Variants in ZNRF1 observed in about 807,000 individuals in gnomAD.
ZNRF1 encodes zinc and ring finger 1.
ZNRF1 carries 3 observed loss-of-function variants against 18.4 expected under a neutral mutation model. The observed-to-expected ratio is 0.16, with a 90% CI of 0.07 to 0.42. ZNRF1 has a LOEUF of 0.42. Ranked by LOEUF, ZNRF1 falls within the 10% of genes least tolerant of loss-of-function variation. ZNRF1 has a pLI of 0.99. For synonymous variants in ZNRF1, 157 were observed against 144.2 expected (o/e 1.09, Z -0.64); for missense variants, 310 against 329.8 (o/e 0.94, Z 0.47).
At chr16:75,102,866 C>G (rs1445657950) in intron 2 of ZNRF1, among the ~76,000 whole-genome samples, 1 of 152,224 alleles carries the variant, frequency 6.6e-6, no homozygotes, top group Non-Finnish European at 1.5e-5. Flanking sequence ...TCCCGCTGCC[C>G]TCATCCGCAC....
At chr16:75,017,591 A>C (rs1422735655) in intron 1 of ZNRF1, among the ~76,000 whole-genome samples, 4 of 152,166 alleles carry the variant, frequency 2.6e-5, no homozygotes, top group Admixed American at 2.0e-4. Flanking sequence ...TGCTCCTGGG[A>C]ATTGGAGAGC....
At chr16:75,026,977 C>A (rs1218491902) in intron 1 of ZNRF1, among the ~76,000 whole-genome samples, 1 of 151,968 alleles carries the variant, frequency 6.6e-6, no homozygotes, top group Non-Finnish European at 1.5e-5. Context: ...GTGCCCGGCA[C>A]AGTTCTAAAT....
chr16:75,027,629 C>G (rs2035243559), intron 1 of ZNRF1, among the ~76,000 whole-genome samples: 1 of 152,160 alleles, frequency 6.6e-6, no homozygotes, highest in South Asian at 2.1e-4. Flanking sequence ...CATGGTCAGT[C>G]ATTATAATGA....
At chr16:75,046,905 A>G (rs1292414757) in intron 1 of ZNRF1, 1 of 154,104 alleles carries the variant, frequency 6.5e-6, no homozygotes, top group Non-Finnish European at 1.5e-5. Flanking sequence ...GGGACAGTAC[A>G]GAAAAATAAT....
At chr16:75,000,286 C>T (rs939417256) in intron 1 of ZNRF1, 191 bp downstream of exon 1, 7 of 897,892 alleles carry the variant, frequency 7.8e-6, no homozygotes, top group Non-Finnish European at 1.2e-5. Context: ...GCTGCGGAGC[C>T]TGGCGATTTA....
At chr16:75,009,351 A>G (rs2034965015) in intron 1 of ZNRF1, among the ~76,000 whole-genome samples, 1 of 152,160 alleles carries the variant, frequency 6.6e-6, no homozygotes, top group Admixed American at 6.5e-5. Flanking sequence ...GTGGTATTCT[A>G]AGTACTGCAT....
At chr16:75,079,428 C>T (rs952948855) in intron 1 of ZNRF1, among the ~76,000 whole-genome samples, 1 of 152,122 alleles carries the variant, frequency 6.6e-6, no homozygotes. Flanking sequence ...TGCGGGGAGC[C>T]GAGATCATGT....
chr16:75,028,628 G>A (rs2035256771), intron 1 of ZNRF1, among the ~76,000 whole-genome samples: 1 of 152,242 alleles, frequency 6.6e-6, no homozygotes, highest in African/African-American at 2.4e-5. Flanking sequence ...AAGTTCTCAA[G>A]AATTCTCTTT....
intron 1 of ZNRF1, among the ~76,000 whole-genome samples, chr16:75,085,024 C>G (rs780717998): frequency 3.7e-4 from 56 of 152,220 alleles, no homozygotes; most frequent in Middle Eastern, 3.4e-3. Context: ...TATTTGTTTA[C>G]AGGTTTTTTT....
chr16:75,056,889 G>T (rs1449088147), intron 1 of ZNRF1, among the ~76,000 whole-genome samples: 1 of 152,030 alleles, frequency 6.6e-6, no homozygotes, highest in Non-Finnish European at 1.5e-5. Flanking sequence ...CACCCGCCTT[G>T]GCCTCCCAAA....
intron 1 of ZNRF1, among the ~76,000 whole-genome samples, chr16:75,012,163 A>T (rs1357986004): frequency 6.6e-6 from 1 of 152,208 alleles, no homozygotes; most frequent in African/African-American, 2.4e-5. Context: ...TTCCATGCTG[A>T]CACCAAGCCC....
chr16:75,091,086 G>A (rs1466319094), intron 1 of ZNRF1, among the ~76,000 whole-genome samples: 1 of 151,956 alleles, frequency 6.6e-6, no homozygotes, highest in Non-Finnish European at 1.5e-5. Context: ...AAGAAATGTT[G>A]GGTGACTGAT....
chr16:75,017,876 C>T (rs1028998608), intron 1 of ZNRF1, among the ~76,000 whole-genome samples: 1 of 152,138 alleles, frequency 6.6e-6, no homozygotes, highest in Non-Finnish European at 1.5e-5. Context: ...AGGAATGGGA[C>T]ACCCTCTCTT....
intron 1 of ZNRF1, among the ~76,000 whole-genome samples, chr16:75,017,525 G>A (rs1430782860): frequency 6.6e-6 from 1 of 152,170 alleles, no homozygotes; most frequent in Non-Finnish European, 1.5e-5. Flanking sequence ...AGTCTGGAAA[G>A]CAGCTTAAGA....
chr16:75,000,069 C>T lies in ZNRF1; in HGVS notation c.398C>T (p.Ala133Val). The T allele has an allele frequency of 6.2e-7, 1 of 1,602,522 alleles. No individual in the cohort carries two copies. Among genetic ancestry groups the T allele is most frequent in the East Asian group, 2.3e-5 (1 of 44,430 alleles). ...GCGGATGCTCTACCTCTGCACATCG[C>T]ACCCAGGTGGTTCAGCTCGCATAGT... Reference protein sequence around the residue: ...SLADALPLHIAPRWFSSHSGF... With the variant: ...SLADALPLHIVPRWFSSHSGF... Residue 133 changes from alanine to valine, a missense_variant, in exon 1 of 5, where the codon GCA (alanine) becomes GTA (valine). Coordinates refer to ENST00000335325, the MANE Select transcript of ZNRF1 (RefSeq NM_032268.5).
intron 1 of ZNRF1, among the ~76,000 whole-genome samples, chr16:75,067,758 G>C (rs892238211): frequency 6.6e-6 from 1 of 152,180 alleles, no homozygotes; most frequent in Non-Finnish European, 1.5e-5. Flanking sequence ...AATTAAAATG[G>C]AGAAACATTA....
chr16:75,005,192 A>C (rs1379456736), intron 1 of ZNRF1, among the ~76,000 whole-genome samples: 1 of 152,154 alleles, frequency 6.6e-6, no homozygotes, highest in African/African-American at 2.4e-5. Flanking sequence ...TTCTATTGTT[A>C]ATGAAAACTT....
chr16:75,053,613 TCAC>T (rs1421511471), intron 1 of ZNRF1, among the ~76,000 whole-genome samples: 2 of 119,218 alleles, frequency 1.7e-5, no homozygotes, highest in African/African-American at 6.9e-5. Context: ...AAAAAAAAAA[TCAC>T]CAATGTCCAG....
chr16:75,083,107 C>T (rs1001391819), intron 1 of ZNRF1, among the ~76,000 whole-genome samples: 6 of 152,202 alleles, frequency 3.9e-5, no homozygotes, highest in Non-Finnish European at 5.9e-5. Context: ...CAATTGATGG[C>T]ATCTTGGAGT....
Sources: gnomAD v4.1 joint callset for allele counts (sites outside exome capture counted in the v4.1 genomes callset) on GRCh38, gnomAD v4.1.1 for gene constraint, MANE v1.5 for transcripts, NCBI Gene and HGNC (gene_info 2026-07-23, HGNC 2026-07-21) for gene names.